GPC6: variants seen among roughly 807,000 people sequenced by gnomAD.
GPC6 encodes glypican 6, also known as glypican-6.
Under a neutral mutation model 55.2 loss-of-function variants are expected in GPC6, and 14 were observed. The ratio of observed to expected loss-of-function variants is 0.25; its 90% CI spans 0.17 to 0.40. GPC6 has a LOEUF of 0.40. GPC6 is among the 10% of genes least tolerant of loss of function. The pLI is 1.00. For missense variants in GPC6, 641 were observed against 708.5 expected, an observed-to-expected ratio of 0.90 and a Z score of 1.08; for synonymous variants, 278 against 259.6, an observed-to-expected ratio of 1.07 and a Z score of -0.68.
At chr13:93,437,112 T>A (rs745871070) in intron 1 of GPC6, among the ~76,000 whole-genome samples, 2 of 152,166 alleles carry the variant, frequency 1.3e-5, no homozygotes, top group Non-Finnish European at 2.9e-5. Context: ...CCATGAATCA[T>A]GCCCATATAA....
intron 2 of GPC6, among the ~76,000 whole-genome samples, chr13:93,559,780 T>A (rs1029913077): frequency 6.6e-6 from 1 of 152,228 alleles, no homozygotes; most frequent in African/African-American, 2.4e-5. Flanking sequence ...TTATTAAGAA[T>A]GGAGTGAATA....
intron 2 of GPC6, among the ~76,000 whole-genome samples, chr13:93,741,752 C>A (rs144407467): frequency 1.6e-4 from 25 of 152,238 alleles, no homozygotes; most frequent in Non-Finnish European, 3.1e-4. Context: ...TTACCCCCAG[C>A]ACTCTTACTC....
chr13:94,042,504 T>C (rs76932118), intron 4 of GPC6, among the ~76,000 whole-genome samples: 1 of 152,028 alleles, frequency 6.6e-6, no homozygotes, highest in Non-Finnish European at 1.5e-5. Context: ...TGCCTGTAGA[T>C]GTCATGTCTC....
At chr13:93,655,933 G>A (rs146913950) in intron 2 of GPC6, among the ~76,000 whole-genome samples, 202 of 152,212 alleles carry the variant, frequency 1.3e-3, no homozygotes, top group African/African-American at 3.2e-3. Context: ...ATATGTATGC[G>A]TATATGAATT....
At chr13:94,076,247 A>G (rs1226672003) in intron 4 of GPC6, among the ~76,000 whole-genome samples, 3 of 151,520 alleles carry the variant, frequency 2.0e-5, no homozygotes, top group Non-Finnish European at 4.4e-5. Context: ...TTACCTGTTT[A>G]CCATTTATAT....
chr13:93,921,207 G>T lies in GPC6; in HGVS notation c.711+90662G>T, dbSNP rs568793620. Among the ~76,000 whole-genome samples the T allele has an allele frequency of 4.6e-5, 7 of 152,282 alleles. No homozygotes were observed. The South Asian group carries it at 1.5e-3, about 32-fold the overall frequency. On this transcript the variant is annotated intron_variant, in intron 3 of 8. Coordinates refer to ENST00000377047, the MANE Select transcript of GPC6 (RefSeq NM_005708.5). ...GTGGGTCAAACTCTTACGGGAGGAT[G>T]AACATACAGACAGACAGGTGCGGGA...
At chr13:93,656,320 T>A (rs1047874849) in intron 2 of GPC6, among the ~76,000 whole-genome samples, 1 of 152,102 alleles carries the variant, frequency 6.6e-6, no homozygotes, top group African/African-American at 2.4e-5. Flanking sequence ...TGAAAATAAA[T>A]GATTACCAAA....
intron 3 of GPC6, among the ~76,000 whole-genome samples, chr13:93,938,458 A>G (rs1472600104): frequency 1.3e-5 from 2 of 152,204 alleles, no homozygotes; most frequent in Non-Finnish European, 2.9e-5. Flanking sequence ...AGACCCTACC[A>G]TGTTATTCTA....
At chr13:94,235,450 G>A (rs1005018422) in intron 4 of GPC6, among the ~76,000 whole-genome samples, 1 of 152,078 alleles carries the variant, frequency 6.6e-6, no homozygotes, top group Non-Finnish European at 1.5e-5. Flanking sequence ...AGGGCCAATT[G>A]ATCCCTAAGG....
In GPC6 at chr13:94,142,828, CT is replaced by C. The variant is rs766504929; in HGVS notation, c.877+114947del. Among the ~76,000 whole-genome samples, 466 of 145,466 alleles carry C rather than the reference CT, an allele frequency of 3.2e-3. 2 individuals carry two copies. Among genetic ancestry groups the C allele is most frequent in the Non-Finnish European group, 4.6e-3 (303 of 65,870 alleles). On this transcript the variant is annotated intron_variant, in intron 4 of 8. Transcript: ENST00000377047. Reference sequence around the variant, plus strand: ...GGAACATTTTGGTCGTGGACGGCTACTTTTTTTTTTTTTCTTTTTGAGACTG... The same window carrying C: ...GGAACATTTTGGTCGTGGACGGCTACTTTTTTTTTTTTCTTTTTGAGACTG...
intron 1 of GPC6, among the ~76,000 whole-genome samples, chr13:93,434,303 G>A (rs1347547020): frequency 6.6e-6 from 1 of 152,094 alleles, no homozygotes; most frequent in East Asian, 1.9e-4. Context: ...ATTATGCCTG[G>A]AGCCTCTGGA....
At chr13:94,157,592 A>G (rs186081798) in intron 4 of GPC6, among the ~76,000 whole-genome samples, 1 of 152,300 alleles carries the variant, frequency 6.6e-6, no homozygotes, top group African/African-American at 2.4e-5. Flanking sequence ...GGAAATAACT[A>G]CGGCTGGAAA....
intron 2 of GPC6, among the ~76,000 whole-genome samples, chr13:93,769,309 A>G (rs950363028): frequency 9.2e-5 from 14 of 152,262 alleles, no homozygotes; most frequent in Non-Finnish European, 1.9e-4. Context: ...AGGAATGTAC[A>G]CGTCTCTAAA....
chr13:93,580,876 A>C (rs7998314), intron 2 of GPC6, among the ~76,000 whole-genome samples: 115,497 of 152,054 alleles, frequency 0.76, 44,533 homozygotes, highest in Non-Finnish European at 0.82. Flanking sequence ...ATTGCATAAC[A>C]TGAAAATCGC....
chr13:93,339,757 G>A (rs564114181), intron 1 of GPC6, among the ~76,000 whole-genome samples: 1 of 152,250 alleles, frequency 6.6e-6, no homozygotes, highest in South Asian at 2.1e-4. Flanking sequence ...AGAATGTCCT[G>A]CACACTCAAA....
chr13:93,467,908 C>T (rs1878972879), intron 1 of GPC6, among the ~76,000 whole-genome samples: 1 of 151,992 alleles, frequency 6.6e-6, no homozygotes, highest in Non-Finnish European at 1.5e-5. Flanking sequence ...GATTCTTGTC[C>T]TGTAACCTTC....
At chr13:94,313,921 G>C (rs1176547757) in intron 6 of GPC6, among the ~76,000 whole-genome samples, 1 of 152,074 alleles carries the variant, frequency 6.6e-6, no homozygotes, top group East Asian at 1.9e-4. Context: ...TCTGCTTCAG[G>C]CTTTAAAATT....
In GPC6 at chr13:94,272,456, TTCTTTTC is replaced by T. The variant is rs1477277195; in HGVS notation, c.878-13891_878-13885del. On this transcript the variant is annotated intron_variant, in intron 4 of 8. Coordinates refer to ENST00000377047, the MANE Select transcript of GPC6 (RefSeq NM_005708.5). ...CTGCTTCTTTTTCTTTTCTTTTCTT[TTCTTTTC>T]TTTTTTTTTTTTTTTTTTTTTTTGA... Among the ~76,000 whole-genome samples, 395 of 132,960 alleles carry T rather than the reference TTCTTTTC, an allele frequency of 3.0e-3. 5 individuals carry two copies. The highest frequency in any genetic ancestry group is 0.013 in the African/African-American group (378 of 28,282). 87.2% of individuals were successfully genotyped at this position (132,960 alleles called of 152,430 possible). A position where few individuals can be genotyped will look rare whatever the true frequency, so the allele number is the denominator to read the frequency against.
At chr13:93,654,931 G>T (rs1191779469) in intron 2 of GPC6, among the ~76,000 whole-genome samples, 1 of 150,622 alleles carries the variant, frequency 6.6e-6, no homozygotes, top group South Asian at 2.1e-4. Flanking sequence ...CCGCCTCCCG[G>T]GTTCACGCCA....
Sources: gnomAD v4.1 joint callset for allele counts (sites outside exome capture counted in the v4.1 genomes callset) on GRCh38, gnomAD v4.1.1 for gene constraint, MANE v1.5 for transcripts, NCBI Gene and HGNC (gene_info 2026-07-23, HGNC 2026-07-21) for gene names.